LSG1: variants seen among roughly 807,000 people sequenced by gnomAD.
LSG1 encodes the protein large subunit GTPase 1 homolog.
In LSG1, 55 loss-of-function variants were observed where a neutral mutation model predicts 82.6. The observed-to-expected ratio is 0.67, with a 90% CI of 0.54 to 0.83. The LOEUF is 0.83. LSG1 is among the 40% of genes least tolerant of loss of function. The probability of loss-of-function intolerance (pLI) is 0.00; values close to 1 mark genes in which losing one functional copy is unlikely to be tolerated. For missense variants in LSG1, 809 were observed against 807.9 expected (o/e 1.00, Z -0.02); for synonymous variants, 272 against 282.5 (o/e 0.96, Z 0.37).
chr3:194,641,995 T>C lies in LSG1; in HGVS notation c.*73A>G. 1 of 1,529,446 alleles carries C rather than the reference T, an allele frequency of 6.5e-7. No individual in the cohort carries two copies. The highest frequency in any genetic ancestry group is 8.9e-7 in the Non-Finnish European group (1 of 1,123,552). 94.7% of individuals were successfully genotyped at this position (1,529,446 alleles called of 1,614,324 possible). ...TACAGTGCTAGTGTCTTGGGACGGT[T>C]CCACAGGCAACAGGCAGCTTCTGCT... is the stretch of plus-strand genomic sequence containing the variant. On this transcript the variant is annotated 3_prime_UTR_variant, in exon 14 of 14. Coordinates refer to ENST00000265245, the MANE Select transcript of LSG1 (RefSeq NM_018385.3).
rs550466487 is a variant in LSG1, at chr3:194,659,988, T to C, written c.582+85A>G. 1.4e-5 allele frequency: 16 copies of C among 1,178,770 alleles called. No individual in the cohort carries two copies. The African/African-American group carries it at 2.3e-4, about 17-fold the overall frequency. 73.0% of individuals were successfully genotyped at this position (1,178,770 alleles called of 1,614,324 possible). ...AAACGAAGCCAGAGAGGGCAGAATG[T>C]ATGCCTACAGTCATTGCTGAGGGAT... On this transcript the variant is annotated intron_variant, in intron 6 of 13. Transcript: ENST00000265245.
intron 10 of LSG1, 110 bp from the exon 11 acceptor site, chr3:194,648,914 T>G: frequency 6.5e-6 from 7 of 1,075,024 alleles, no homozygotes; most frequent in Non-Finnish European, 9.6e-6. Context: ...AAACACTCTC[T>G]CCTCTCCAAA....
In LSG1 at chr3:194,666,538, A is replaced by C; in HGVS notation, c.261T>G (p.Ala87=). The C allele has an allele frequency of 6.2e-7, 1 of 1,612,564 alleles. No homozygotes were observed. The highest frequency in any genetic ancestry group is 1.7e-4 in the Middle Eastern group (1 of 6,048). Residue 87 remains alanine, a synonymous_variant, in exon 3 of 14, where the codon GCT becomes GCG. Transcript: ENST00000265245. The stretch of plus-strand genomic sequence containing the variant: ...CCTCGAAAGACAGTAGTCCAGTTCT[A>C]GCCTCAGCAGGCACAAACTTAATAT... ...KLNIKFVPAE[A]RTGLLSFEES... is the part of the protein sequence containing the mutation.
At position 194,657,750 on chromosome 3, in the gene LSG1, C is replaced by A. The variant is rs565114637; in HGVS notation, c.759+1207G>T. On this transcript the variant is annotated intron_variant, in intron 7 of 13. Coordinates refer to ENST00000265245, the MANE Select transcript of LSG1 (RefSeq NM_018385.3). ...GAGGAATATGAAAGCTGAAAATGCACAGCTGCAGGAGAGAACCGAAGGGAC... is the reference window on the plus strand; with the variant it reads ...GAGGAATATGAAAGCTGAAAATGCAAAGCTGCAGGAGAGAACCGAAGGGAC... 1.2e-4 allele frequency among the ~76,000 whole-genome samples: 18 copies of A among 152,254 alleles called. No homozygotes were observed. The South Asian group carries it at 3.7e-3, about 32-fold the overall frequency.
At chr3:194,664,242 C>G (rs191273165) in intron 5 of LSG1, among the ~76,000 whole-genome samples, 1 of 152,124 alleles carries the variant, frequency 6.6e-6, no homozygotes, top group African/African-American at 2.4e-5. Context: ...TGTGAGCCAC[C>G]GCGCTGGGCC....
chr3:194,664,175 A>C (rs1049354167), intron 5 of LSG1, among the ~76,000 whole-genome samples: 1 of 152,142 alleles, frequency 6.6e-6, no homozygotes, highest in African/African-American at 2.4e-5. Flanking sequence ...CTGGTATCGA[A>C]CTGCTGACTT....
intron 8 of LSG1, among the ~76,000 whole-genome samples, chr3:194,652,233 G>A (rs149847890): frequency 0.015 from 2,224 of 152,342 alleles, 20 homozygotes; most frequent in African/African-American, 0.021. Context: ...ATTAGGGTAT[G>A]TAAGGCTGGG....
chr3:194,666,960 A>G (rs2108622201), intron 2 of LSG1, among the ~76,000 whole-genome samples: 1 of 152,278 alleles, frequency 6.6e-6, no homozygotes, highest in South Asian at 2.1e-4. Flanking sequence ...TAGGGCCAGG[A>G]ATCTGTATGA....
At chr3:194,660,970 G>A (rs190563406) in intron 5 of LSG1, 15 of 451,142 alleles carry the variant, frequency 3.3e-5, no homozygotes, top group East Asian at 1.4e-4. Context: ...AAGGCCCACC[G>A]TGACTGCCGC....
intron 7 of LSG1, among the ~76,000 whole-genome samples, chr3:194,654,375 C>G (rs1378255989): frequency 6.6e-6 from 1 of 152,128 alleles, no homozygotes. Context: ...GTGATGGAAA[C>G]CTGGTATCAT....
At chr3:194,656,986 C>T (rs1027427066) in intron 7 of LSG1, among the ~76,000 whole-genome samples, 3 of 149,120 alleles carry the variant, frequency 2.0e-5, no homozygotes, top group Admixed American at 1.3e-4. Flanking sequence ...CATCACACGC[C>T]GGGGACTGTT....
chr3:194,669,119 C>T (rs1719089909), intron 2 of LSG1, among the ~76,000 whole-genome samples: 1 of 152,134 alleles, frequency 6.6e-6, no homozygotes, highest in Admixed American at 6.5e-5. Context: ...GTCTAATGTA[C>T]AGCCTGGTGT....
At chr3:194,645,515 C>CACACACACAG (rs1718507031) in intron 12 of LSG1, 1 of 53,914 alleles carries the variant, frequency 1.9e-5, no homozygotes, top group Non-Finnish European at 4.2e-5. Flanking sequence ...CACACACACA[C>CACACACACAG]ACACACACAC....
intron 7 of LSG1, among the ~76,000 whole-genome samples, chr3:194,657,220 A>G (rs1718810103): frequency 6.6e-6 from 1 of 151,812 alleles, no homozygotes; most frequent in Non-Finnish European, 1.5e-5. Flanking sequence ...GAGTGCTGCT[A>G]GTAAGTCCAC....
In LSG1 at chr3:194,644,707, G is replaced by T. The variant is rs1405086171; in HGVS notation, c.1663C>A (p.Pro555Thr). Residue 555 changes from proline to threonine, a missense_variant, in exon 13 of 14, where the codon CCT (proline) becomes ACT (threonine). Physicochemically the swap from Pro to Thr is conservative, Grantham distance 38 (BLOSUM62 -1). Coordinates refer to ENST00000265245, the MANE Select transcript of LSG1 (RefSeq NM_018385.3). ...TGGTGTTGATGCTGAAAAGTTACAG[G>T]ATCTCTTCCAGGAGGAGGATGGCAG... Reference protein sequence around the residue: ...LYCHPPPGRDPVTFQHQHQRL... With the variant: ...LYCHPPPGRDTVTFQHQHQRL... The T allele has an allele frequency of 6.2e-7, 1 of 1,608,426 alleles. No homozygotes were observed. The highest frequency in any genetic ancestry group is 1.7e-4 in the Middle Eastern group (1 of 6,046).
chr3:194,645,535 G>GACACACACACACACAGACAGACAC (rs1718514079), intron 12 of LSG1: 1 of 34,962 alleles, frequency 2.9e-5, no homozygotes, highest in Non-Finnish European at 6.3e-5. Flanking sequence ...CACACAGACA[G>GACACACACACACACAGACAGACAC]ACACACACAC....
At chr3:194,664,916 G>A (rs1477275733) in intron 5 of LSG1, among the ~76,000 whole-genome samples, 2 of 150,908 alleles carry the variant, frequency 1.3e-5, no homozygotes, top group Non-Finnish European at 3.0e-5. Context: ...GCAAAACTCC[G>A]TCTCAAATAA....
chr3:194,669,979 C>A (rs763638841), intron 2 of LSG1, 30 bp downstream of exon 2: 2 of 1,595,302 alleles, frequency 1.3e-6, no homozygotes, highest in Non-Finnish European at 1.7e-6. Context: ...ATGTGACAGT[C>A]TCACCTGCAC....
chr3:194,650,043 C>CCGAGTAG (rs1718642556), intron 10 of LSG1, among the ~76,000 whole-genome samples: 1 of 152,116 alleles, frequency 6.6e-6, no homozygotes, highest in African/African-American at 2.4e-5. Flanking sequence ...CCTCAGCCTC[C>CCGAGTAG]CGAGTAGCTG....
Sources: gnomAD v4.1 joint callset for allele counts (sites outside exome capture counted in the v4.1 genomes callset) on GRCh38, gnomAD v4.1.1 for gene constraint, MANE v1.5 for transcripts, NCBI Gene and HGNC (gene_info 2026-07-23, HGNC 2026-07-21) for gene names.